ANP32B: variants seen among roughly 807,000 people sequenced by gnomAD.
ANP32B encodes the protein acidic nuclear phosphoprotein 32 family member B.
ANP32B carries 6 observed loss-of-function variants against 32.2 expected under a neutral mutation model. That is an observed-to-expected ratio of 0.19 (90% CI 0.10 to 0.37). The LOEUF (loss-of-function observed/expected upper bound fraction) is 0.37, where lower values mean the gene tolerates loss of function less well. Among genes scored for constraint, ANP32B ranks in the 10% least tolerant of loss-of-function variants. The probability of loss-of-function intolerance (pLI) is 1.00; values close to 1 mark genes in which losing one functional copy is unlikely to be tolerated. For synonymous variants in ANP32B, 98 were observed against 105.8 expected, an observed-to-expected ratio of 0.93 and a Z score of 0.45; for missense variants, 204 against 289.2, an observed-to-expected ratio of 0.71 and a Z score of 2.14.
At chr9:97,983,965 G>A (rs1827649236) in intron 1 of ANP32B, among the ~76,000 whole-genome samples, 1 of 151,042 alleles carries the variant, frequency 6.6e-6, no homozygotes, top group Non-Finnish European at 1.5e-5. Flanking sequence ...GCAGCCTCCC[G>A]GGATGCGCGG....
intron 4 of ANP32B, among the ~76,000 whole-genome samples, chr9:98,008,811 T>G (rs957090406): frequency 6.6e-6 from 1 of 152,216 alleles, no homozygotes; most frequent in Admixed American, 6.5e-5. Flanking sequence ...AATTATATCA[T>G]TATATATTAC....
chr9:98,007,612 A>G (rs759144290), intron 4 of ANP32B, among the ~76,000 whole-genome samples: 8 of 152,206 alleles, frequency 5.3e-5, no homozygotes, highest in Non-Finnish European at 1.2e-4. Context: ...TGAATTGGTC[A>G]TTTTGTGTCG....
At position 97,994,652 on chromosome 9, in the gene ANP32B, A is replaced by G; in HGVS notation, c.76A>G (p.Asn26Asp). The change falls in exon 2 of 7, where the codon AAT (asparagine) becomes GAT (aspartate). Residue 26 changes from asparagine (N) to aspartate (D), a missense_variant. By Grantham distance (23) the Asn-to-Asp change is conservative (BLOSUM62 1). Transcript: ENST00000339399. ...PAAVRELVLD[N>D]CKSNDGKIEG... Reference sequence around the variant, plus strand: ...ACAGGTTCGAGAACTTGTCTTGGACAATTGCAAATCAAATGATGGAAAAAT... The same window carrying G: ...ACAGGTTCGAGAACTTGTCTTGGACGATTGCAAATCAAATGATGGAAAAAT... 6.2e-7 allele frequency: 1 copy of G among 1,608,952 alleles called. No homozygotes were observed. The highest frequency in any genetic ancestry group is 8.5e-7 in the Non-Finnish European group (1 of 1,178,914).
intron 6 of ANP32B, among the ~76,000 whole-genome samples, chr9:98,012,753 C>T (rs778910070): frequency 4.6e-5 from 7 of 152,160 alleles, no homozygotes; most frequent in South Asian, 2.1e-4. Context: ...TGTTTTGAGA[C>T]GGAATCTCGC....
At chr9:97,999,362 G>C (rs879552347) in intron 3 of ANP32B, among the ~76,000 whole-genome samples, 3 of 152,160 alleles carry the variant, frequency 2.0e-5, no homozygotes, top group Non-Finnish European at 2.9e-5. Flanking sequence ...CACTTTAACA[G>C]AAAAGGCTAT....
chr9:98,012,006 G>A (rs987061900), intron 5 of ANP32B, among the ~76,000 whole-genome samples: 13 of 152,198 alleles, frequency 8.5e-5, no homozygotes, highest in Non-Finnish European at 1.2e-4. Flanking sequence ...ATCCTCTTTT[G>A]TAGTATAAAA....
intron 4 of ANP32B, 116 bp downstream of exon 4, chr9:98,005,269 G>A: frequency 2.1e-6 from 2 of 967,952 alleles, no homozygotes; most frequent in Non-Finnish European, 3.0e-6. Flanking sequence ...CACTTTGGGT[G>A]GCCGAGGCAG....
chr9:97,990,813 CCT>C (rs1827812090), intron 1 of ANP32B, among the ~76,000 whole-genome samples: 1 of 136,688 alleles, frequency 7.3e-6, no homozygotes, highest in Non-Finnish European at 1.6e-5. Flanking sequence ...TACAGTTGAA[CCT>C]TTTTTTTTTT....
At chr9:98,012,574 T>C in intron 6 of ANP32B, 102 bp downstream of exon 6, 1 of 1,505,052 alleles carries the variant, frequency 6.6e-7, no homozygotes, top group Admixed American at 2.3e-5. Context: ...AAAATACTCT[T>C]GGCTCTGGTG....
At chr9:97,987,403 T>G (rs1827754807) in intron 1 of ANP32B, 1 of 152,182 alleles carries the variant, frequency 6.6e-6, no homozygotes, top group African/African-American at 2.4e-5. Context: ...AGTGCTAGAA[T>G]ACACCATATA....
intron 4 of ANP32B, 173 bp downstream of exon 4, chr9:98,005,326 G>C: frequency 2.1e-6 from 1 of 486,846 alleles, no homozygotes. Flanking sequence ...TGGGCAACAT[G>C]GCAATACCTT....
chr9:97,998,726 T>C, intron 3 of ANP32B, 48 bp downstream of exon 3: 3 of 1,481,268 alleles, frequency 2.0e-6, no homozygotes, highest in Non-Finnish European at 2.7e-6. Context: ...TCATTTTCAT[T>C]TTCATATTTC....
chr9:97,998,310 G>T lies in ANP32B; in HGVS notation c.205-246G>T, dbSNP rs114305822. On this transcript the variant is annotated intron_variant, in intron 2 of 6. Transcript: ENST00000339399. ...TAAGTTAGAAAATTTATTTGCTGAT[G>T]TTAGAGACCAGTTCTTGAGTAAGCT... 1.3e-3 allele frequency among the ~76,000 whole-genome samples: 200 copies of T among 152,320 alleles called. 1 individual carries two copies. Among genetic ancestry groups the T allele is most frequent in the African/African-American group, 4.6e-3 (192 of 41,574 alleles).
intron 3 of ANP32B, among the ~76,000 whole-genome samples, chr9:98,001,514 C>T (rs1827992392): frequency 6.6e-6 from 1 of 152,168 alleles, no homozygotes; most frequent in African/African-American, 2.4e-5. Context: ...TTTTAAAGAA[C>T]AGAGTAGCAG....
intron 1 of ANP32B, among the ~76,000 whole-genome samples, chr9:97,992,870 C>A (rs977478001): frequency 6.6e-6 from 1 of 152,158 alleles, no homozygotes; most frequent in Non-Finnish European, 1.5e-5. Context: ...ATGTTCCAAG[C>A]CCTAGTCTCT....
rs760644937 is a variant in ANP32B, at chr9:98,011,290, CGAG to C, written c.540_542del (p.Glu180del). Reference sequence around the variant, plus strand: ...TTTTAGAAGGAGAAGATGAGGAAGACGAGGACGATGAGGATGGTGAAGAAGAGG... The same window carrying C: ...TTTTAGAAGGAGAAGATGAGGAAGACGACGATGAGGATGGTGAAGAAGAGG... On this transcript the variant is annotated inframe_deletion, in exon 5 of 7. Transcript: ENST00000339399. 36 of 1,549,006 alleles carry C rather than the reference CGAG, an allele frequency of 2.3e-5. No homozygotes were observed. The highest frequency in any genetic ancestry group is 6.9e-5 in the African/African-American group (5 of 72,830).
At position 97,983,481 on chromosome 9, in the gene ANP32B, C is replaced by A; in HGVS notation, c.-75C>A. On this transcript the variant is annotated 5_prime_UTR_variant, in exon 1 of 7. Coordinates refer to ENST00000339399, the MANE Select transcript of ANP32B (RefSeq NM_006401.3). The stretch of plus-strand genomic sequence containing the variant: ...CAAACCCTTCCGACGGCCCTCGCTG[C>A]GCAAGCCGGGACGCCTCTCCCCCCT... 1 of 1,370,044 alleles carries A rather than the reference C, an allele frequency of 7.3e-7. No individual in the cohort carries two copies. Among genetic ancestry groups the A allele is most frequent in the Non-Finnish European group, 1.0e-6 (1 of 995,460 alleles). The allele number at this position is 1,370,044 out of a possible 1,614,324, so 84.9% of individuals were successfully genotyped here.
Position 98,011,401 on chromosome 9 carries a change from TG to T in ANP32B, c.636+13del. The T allele has an allele frequency of 6.3e-7, 1 of 1,588,294 alleles. No homozygotes were observed. Among genetic ancestry groups the T allele is most frequent in the Non-Finnish European group, 8.6e-7 (1 of 1,164,834 alleles). ...AAGTCAGTGAGGAGGTCAGTGCAGC[TG>T]TTTTCTACCCTGCTTCCTATTTGTA... is the stretch of plus-strand genomic sequence containing the variant. On this transcript the variant is annotated intron_variant, in intron 5 of 6. Transcript: ENST00000339399.
chr9:97,993,329 G>C (rs1273066562), intron 1 of ANP32B, among the ~76,000 whole-genome samples: 1 of 152,214 alleles, frequency 6.6e-6, no homozygotes, highest in East Asian at 1.9e-4. Flanking sequence ...AATTACTAGA[G>C]TAGCATCATT....
Sources: allele counts gnomAD v4.1 joint callset (sites outside exome capture counted in the v4.1 genomes callset), GRCh38; gene constraint gnomAD v4.1.1; transcripts MANE v1.5; gene names NCBI Gene and HGNC (gene_info 2026-07-23, HGNC 2026-07-21).